Variants in REEP1 observed in about 807,000 individuals in gnomAD.
REEP1 encodes the protein receptor accessory protein 1, also known as receptor expression-enhancing protein 1.
REEP1 carries 22 observed loss-of-function variants against 40.3 expected under a neutral mutation model. The ratio of observed to expected loss-of-function variants is 0.55; its 90% confidence interval spans 0.39 to 0.78. REEP1 has a LOEUF of 0.78. Among genes scored for constraint, REEP1 ranks in the 30% least tolerant of loss-of-function variants. The pLI, the probability that REEP1 is intolerant of heterozygous loss-of-function variation, is 0.00. For missense variants in REEP1, 280 were observed against 361.1 expected (o/e 0.78, Z 1.82); for synonymous variants, 116 against 139.2 (o/e 0.83, Z 1.17).
intron 1 of REEP1, among the ~76,000 whole-genome samples, chr2:86,319,307 A>T (rs564920313): frequency 2.0e-5 from 3 of 152,354 alleles, no homozygotes; most frequent in African/African-American, 4.8e-5. Flanking sequence ...CATTTTGAGT[A>T]AAACTGACCC....
chr2:86,229,184 G>T (rs1221268708), intron 6 of REEP1, among the ~76,000 whole-genome samples: 2 of 152,206 alleles, frequency 1.3e-5, no homozygotes, highest in African/African-American at 2.4e-5. Flanking sequence ...TTACAAAGAA[G>T]AAAGCCTGAG....
intron 6 of REEP1, among the ~76,000 whole-genome samples, chr2:86,231,870 T>C (rs999131490): frequency 2.0e-5 from 3 of 152,180 alleles, no homozygotes; most frequent in African/African-American, 7.2e-5. Flanking sequence ...CACGGCTGCA[T>C]CTCAATGAAA....
intron 3 of REEP1, among the ~76,000 whole-genome samples, chr2:86,257,269 G>A (rs557100832): frequency 6.6e-6 from 1 of 152,062 alleles, no homozygotes; most frequent in Non-Finnish European, 1.5e-5. Flanking sequence ...ATAATCTGTC[G>A]CACTGCAGCT....
At chr2:86,285,388 T>C (rs575334537) in intron 1 of REEP1, among the ~76,000 whole-genome samples, 48 of 152,260 alleles carry the variant, frequency 3.2e-4, no homozygotes, top group Non-Finnish European at 6.2e-4. Context: ...ACAGGCCTTA[T>C]GTAGTAGCAG....
chr2:86,233,975 A>C (rs1236577431), intron 5 of REEP1, among the ~76,000 whole-genome samples: 1 of 152,126 alleles, frequency 6.6e-6, no homozygotes, highest in African/African-American at 2.4e-5. Context: ...AGCCGCTGAC[A>C]AGAGGGCTGC....
chr2:86,336,581 A>T (rs1681043688), intron 1 of REEP1: 1 of 152,352 alleles, frequency 6.6e-6, no homozygotes, highest in Non-Finnish European at 1.5e-5. Flanking sequence ...TTAGGGAAGA[A>T]CAGGGACTTG....
intron 3 of REEP1, among the ~76,000 whole-genome samples, chr2:86,261,503 C>G (rs1429402396): frequency 6.6e-6 from 1 of 152,208 alleles, no homozygotes; most frequent in Admixed American, 6.5e-5. Flanking sequence ...TGTGCAAGAT[C>G]TGCTTTGTTA....
At chr2:86,267,541 G>A (rs1306067043) in intron 2 of REEP1, among the ~76,000 whole-genome samples, 1 of 151,966 alleles carries the variant, frequency 6.6e-6, no homozygotes, top group African/African-American at 2.4e-5. Flanking sequence ...AAGTAGCCAG[G>A]CATGGTGTCA....
At chr2:86,283,605 A>G (rs900975197) in intron 1 of REEP1, among the ~76,000 whole-genome samples, 5 of 152,244 alleles carry the variant, frequency 3.3e-5, no homozygotes, top group Non-Finnish European at 7.3e-5. Flanking sequence ...ACACCCTGAC[A>G]TTCCACAATC....
chr2:86,274,164 G>T (rs943390516), intron 2 of REEP1, among the ~76,000 whole-genome samples: 1 of 152,182 alleles, frequency 6.6e-6, no homozygotes, highest in African/African-American at 2.4e-5. Context: ...CATAAACATA[G>T]GAAGAAAGGC....
chr2:86,281,380 C>T (rs1289514568), intron 2 of REEP1, among the ~76,000 whole-genome samples: 3 of 152,148 alleles, frequency 2.0e-5, no homozygotes, highest in Admixed American at 6.6e-5. Context: ...CTATAATCCC[C>T]GCTTTTTGGG....
chr2:86,242,440 G>A (rs1469223213), intron 5 of REEP1, among the ~76,000 whole-genome samples: 4 of 152,142 alleles, frequency 2.6e-5, no homozygotes, highest in Admixed American at 1.3e-4. Flanking sequence ...TTAGTGCAGA[G>A]GACCCAGGAG....
chr2:86,287,245 A>G (rs536403712), intron 1 of REEP1, among the ~76,000 whole-genome samples: 20 of 152,140 alleles, frequency 1.3e-4, no homozygotes, highest in African/African-American at 4.6e-4. Context: ...GCATCACCAC[A>G]TCTGGCTAAT....
At chr2:86,326,519 C>A (rs1573058474) in intron 1 of REEP1, among the ~76,000 whole-genome samples, 1 of 152,080 alleles carries the variant, frequency 6.6e-6, no homozygotes. Context: ...TCAAGACCAG[C>A]CTGACCAAAA....
At chr2:86,243,599 C>T (rs1320945581) in intron 5 of REEP1, among the ~76,000 whole-genome samples, 1 of 152,190 alleles carries the variant, frequency 6.6e-6, no homozygotes, top group East Asian at 1.9e-4. Context: ...ACTGGGAGAG[C>T]CGGAATCCAG....
chr2:86,334,320 A>G (rs1286712210), intron 1 of REEP1, among the ~76,000 whole-genome samples: 1 of 152,238 alleles, frequency 6.6e-6, no homozygotes, highest in Non-Finnish European at 1.5e-5. Flanking sequence ...CAACACAGTG[A>G]TAGGTCTTCC....
At chr2:86,325,205 A>T (rs1680449916) in intron 1 of REEP1, among the ~76,000 whole-genome samples, 1 of 152,184 alleles carries the variant, frequency 6.6e-6, no homozygotes, top group Non-Finnish European at 1.5e-5. Flanking sequence ...CTGTGATCTC[A>T]CCACTGTACT....
chr2:86,221,132 A>G (rs1274624762), intron 7 of REEP1, among the ~76,000 whole-genome samples: 4 of 152,190 alleles, frequency 2.6e-5, no homozygotes, highest in Admixed American at 2.6e-4. Flanking sequence ...TCCTAAGAAC[A>G]TATTCAGCCA....
At chr2:86,227,508 T>C in intron 6 of REEP1, 110 bp from the exon 7 acceptor site, 2 of 872,414 alleles carry the variant, frequency 2.3e-6, no homozygotes, top group African/African-American at 1.7e-5. Context: ...GTGTGTACAA[T>C]ATAGGGATCC....
Sources: allele counts gnomAD v4.1 joint callset (sites outside exome capture counted in the v4.1 genomes callset), GRCh38; gene constraint gnomAD v4.1.1; transcripts MANE v1.5; gene names NCBI Gene and HGNC (gene_info 2026-07-23, HGNC 2026-07-21).